The following TUBGCP5 variants were observed in gnomAD, a reference collection of about 807,000 sequenced individuals.
The protein encoded by TUBGCP5 is gamma-tubulin complex component 5.
TUBGCP5 carries 98 observed loss-of-function variants against 134.7 expected under a neutral mutation model. The ratio of observed to expected loss-of-function variants is 0.73; its 90% CI spans 0.62 to 0.86. TUBGCP5 has a LOEUF of 0.86. Ranked by LOEUF, TUBGCP5 falls within the 40% of genes least tolerant of loss-of-function variation. TUBGCP5 has a pLI of 0.00. For synonymous variants in TUBGCP5, 456 were observed against 431.4 expected (o/e 1.06, Z -0.71); for missense variants, 1,150 against 1,244.8 (o/e 0.92, Z 1.15).
At chr15:23,004,405 G>T in intron 19 of TUBGCP5, 178 bp from the exon 20 acceptor site, 1 of 709,576 alleles carries the variant, frequency 1.4e-6, no homozygotes, top group Non-Finnish European at 2.2e-6. Flanking sequence ...CTGGCGTTCT[G>T]ATCCTAAGAG....
Position 23,006,348 on chromosome 15 carries a change from ATAGAC to A in TUBGCP5, c.2328-1_2331del, listed in dbSNP as rs771915600. 6 of 1,595,506 alleles carry A rather than the reference ATAGAC, an allele frequency of 3.8e-6. No individual in the cohort carries two copies. Among genetic ancestry groups the A allele is most frequent in the Non-Finnish European group, 5.1e-6 (6 of 1,175,332 alleles). On this transcript the variant is annotated splice_acceptor_variant and coding_sequence_variant, in exon 17 of 23. Coordinates refer to ENST00000615383, the MANE Select transcript of TUBGCP5 (RefSeq NM_052903.6). LOFTEE classifies it high-confidence loss of function. The stretch of plus-strand genomic sequence containing the variant: ...GTGTCAACATTTTCAAAAGATATAG[ATAGAC>A]TAAAGAAAGAAATTCCAGTTTTAGT...
At chr15:23,031,326 T>G (rs993032603) in intron 5 of TUBGCP5, among the ~76,000 whole-genome samples, 3 of 152,090 alleles carry the variant, frequency 2.0e-5, no homozygotes, top group Non-Finnish European at 2.9e-5. Flanking sequence ...CTTCTTTTTT[T>G]TTTTTTGAGA....
intron 16 of TUBGCP5, 94 bp downstream of exon 16, chr15:23,008,605 G>T: frequency 7.2e-7 from 1 of 1,393,010 alleles, no homozygotes; most frequent in Non-Finnish European, 1.0e-6. Flanking sequence ...CATAGGAATA[G>T]TGAGGATAAA....
chr15:23,031,505 G>A (rs986731448), intron 5 of TUBGCP5, among the ~76,000 whole-genome samples: 4 of 151,940 alleles, frequency 2.6e-5, no homozygotes, highest in Admixed American at 6.6e-5. Flanking sequence ...CTTAGTTGAC[G>A]GGGTTTCACT....
rs778899850 is a variant in TUBGCP5, at chr15:22,999,386, A to G, written c.*434T>C. On this transcript the variant is annotated 3_prime_UTR_variant, in exon 23 of 23. Transcript: ENST00000615383. ...TCTCCAGAAAACCCACCTACAATCC[A>G]TCTGTCTGGACTGTGGGCAAGTGGT... 7 of 203,540 alleles carry G rather than the reference A, an allele frequency of 3.4e-5. No homozygotes were observed. The highest frequency in any genetic ancestry group is 6.1e-5 in the Non-Finnish European group (6 of 97,960). The allele number at this position is 203,540 out of a possible 1,614,324, so 12.6% of individuals were successfully genotyped here. A position where few individuals can be genotyped will look rare whatever the true frequency, so the allele number is the denominator to read the frequency against.
chr15:22,990,091 A>G (rs975680312), intron 23 of TUBGCP5, among the ~76,000 whole-genome samples: 3 of 152,078 alleles, frequency 2.0e-5, no homozygotes, highest in African/African-American at 7.2e-5. Context: ...GACTAATGAG[A>G]GGCACTCACA....
At position 23,026,188 on chromosome 15, in the gene TUBGCP5, C is replaced by CTGT. The variant is rs751441941; in HGVS notation, c.752_754dup (p.Tyr251_Ser252insAsn). On this transcript the variant is annotated inframe_insertion, in exon 8 of 23. Coordinates refer to ENST00000615383, the MANE Select transcript of TUBGCP5 (RefSeq NM_052903.6). Reference sequence around the variant, plus strand: ...ATCTGGAACATACAATGGATCACTGCTGTACAAGTGTTGGTCCCTATGAGA... The same window carrying CTGT: ...ATCTGGAACATACAATGGATCACTGCTGTTGTACAAGTGTTGGTCCCTATGAGA... The CTGT allele has an allele frequency of 9.3e-6, 15 of 1,613,146 alleles. No homozygotes were observed. In the Admixed American group the frequency reaches 1.5e-4, roughly 16 times the overall value.
In TUBGCP5 at chr15:23,026,165, C is replaced by T; in HGVS notation, c.778G>A (p.Asp260Asn). ...LYSSDPLYVP[D>N]DRVLVTETQV... ...GTCTCAGTAACCAAAACCCTGTCAT[C>T]TGGAACATACAATGGATCACTGCTG... The change falls in exon 8 of 23, where the codon GAT (aspartate) becomes AAT (asparagine). Residue 260 changes from aspartate to asparagine, a missense_variant. Transcript: ENST00000615383. 1 of 1,611,538 alleles carries T rather than the reference C, an allele frequency of 6.2e-7. No homozygotes were observed.
chr15:23,004,262 C>T (rs887997325), intron 19 of TUBGCP5, 35 bp from the exon 20 acceptor site: 3 of 1,600,438 alleles, frequency 1.9e-6, no homozygotes, highest in Non-Finnish European at 1.7e-6. Flanking sequence ...TCATCAGCAG[C>T]CTTCTTTGAG....
rs2064950233 is a variant in TUBGCP5, at chr15:23,010,084, C to T, written c.2005G>A (p.Val669Ile). 3.7e-6 allele frequency: 6 copies of T among 1,614,076 alleles called. No individual in the cohort carries two copies. Among genetic ancestry groups the T allele is most frequent in the Non-Finnish European group, 5.1e-6 (6 of 1,179,980 alleles). The change falls in exon 15 of 23, where the codon GTA becomes ATA. Residue 669 changes from valine to isoleucine, a missense_variant. Physicochemically the swap from Val to Ile is conservative, Grantham distance 29. Around this residue, in one of 2 missense-constraint regions of TUBGCP5, gnomAD observed 697 missense variants for 850.1 expected, o/e 0.82. Transcript: ENST00000615383. ...GATTCCGATGATCTATCCACACATA[C>T]ATCACCACCAGCAAACTTCTCGTGA... ...DFHEKFAGGDVCVDRSSESVT... is the reference protein window; with the variant it reads ...DFHEKFAGGDICVDRSSESVT...
rs773185385 is a variant in TUBGCP5, at chr15:23,005,584, G to A, written c.2560C>T (p.Arg854Ter). The A allele has an allele frequency of 5.6e-6, 9 of 1,613,882 alleles. No homozygotes were observed. Among genetic ancestry groups the A allele is most frequent in the East Asian group, 4.5e-5 (2 of 44,890 alleles). ...GELVSTAEKP[R>*]LKEGLIHEQD... ...TCATGTATAAGGCCTTCTTTAAGTCGTGGTTTTTCTGCAGTACTAACCAGT... is the reference window on the plus strand; with the variant it reads ...TCATGTATAAGGCCTTCTTTAAGTCATGGTTTTTCTGCAGTACTAACCAGT... The change falls in exon 19 of 23, where the codon CGA (arginine) becomes TGA (stop). Residue 854 changes from arginine (R) to a stop codon, truncating the protein, a stop_gained. Coordinates refer to ENST00000615383, the MANE Select transcript of TUBGCP5 (RefSeq NM_052903.6). LOFTEE classifies it high-confidence loss of function.
intron 4 of TUBGCP5, among the ~76,000 whole-genome samples, chr15:23,032,367 T>C (rs1455390332): frequency 2.0e-5 from 3 of 152,196 alleles, no homozygotes; most frequent in Admixed American, 2.0e-4. Flanking sequence ...GCACATAACC[T>C]AAATACATCC....
chr15:23,023,040 CAT>C (rs35333786), intron 10 of TUBGCP5: 13,260 of 152,210 alleles, frequency 0.087, 1,041 homozygotes, highest in East Asian at 0.46. Context: ...GAAAATCACA[CAT>C]GACCCAGCAA....
chr15:22,987,859 A>G (rs1369631367), intron 23 of TUBGCP5, among the ~76,000 whole-genome samples: 2 of 136,210 alleles, frequency 1.5e-5, no homozygotes, highest in South Asian at 2.5e-4. Context: ...TTGCGCCACC[A>G]CACTCCAGCC....
At chr15:23,024,506 T>C (rs920855552) in intron 9 of TUBGCP5, 4 of 433,060 alleles carry the variant, frequency 9.2e-6, no homozygotes, top group Non-Finnish European at 1.6e-5. Flanking sequence ...AAAATGCAAA[T>C]TGAAATTAAA....
intron 5 of TUBGCP5, 114 bp downstream of exon 5, chr15:23,031,836 G>A (rs373498505): frequency 2.3e-5 from 15 of 656,960 alleles, no homozygotes; most frequent in African/African-American, 1.8e-4. Flanking sequence ...CTCTAGCTTA[G>A]TGAAGAGTGT....
At chr15:23,008,975 G>T in intron 15 of TUBGCP5, 94 bp from the exon 16 acceptor site, 1 of 998,204 alleles carries the variant, frequency 1.0e-6, no homozygotes, top group Non-Finnish European at 1.4e-6. Context: ...GTTTTTAGTG[G>T]AACAAGTTTA....
Position 23,032,773 on chromosome 15 carries a change from G to T in TUBGCP5, c.361C>A (p.Pro121Thr), listed in dbSNP as rs751697977. 6.3e-7 allele frequency: 1 copy of T among 1,597,678 alleles called. No homozygotes were observed. The highest frequency in any genetic ancestry group is 1.1e-5 in the South Asian group (1 of 87,876). The change falls in exon 4 of 23, where the codon CCT (proline) becomes ACT (threonine). Residue 121 changes from proline (P) to threonine (T), a missense_variant. Around this residue, in one of 2 missense-constraint regions of TUBGCP5, gnomAD observed 453 missense variants for 394.7 expected, o/e 1.15. Transcript: ENST00000615383. ...GTCTCCACATAACTGCTGTTTGAAG[G>T]AGAGTCTGACAGACACAGAAGAAGT... is the stretch of plus-strand genomic sequence containing the variant. ...LSLLLCLSDS[P>T]SNSSYVETPR...
chr15:23,031,080 A>G, intron 5 of TUBGCP5, 60 bp from the exon 6 acceptor site: 1 of 1,439,508 alleles, frequency 6.9e-7, no homozygotes. Flanking sequence ...AGCTATTTAC[A>G]TTAAAAGACT....
Sources: allele counts gnomAD v4.1 joint callset (sites outside exome capture counted in the v4.1 genomes callset), GRCh38; gene constraint gnomAD v4.1.1; regional missense constraint gnomAD v4.1.1; transcripts MANE v1.5; gene names NCBI Gene and HGNC (gene_info 2026-07-23, HGNC 2026-07-21).